MRPL48: variants seen among roughly 807,000 people sequenced by gnomAD.
MRPL48 encodes the protein large ribosomal subunit protein mL48.
MRPL48 carries 16 observed loss-of-function variants against 32.9 expected under a neutral mutation model. The observed-to-expected ratio is 0.49, with a 90% CI of 0.33 to 0.74. MRPL48 has a LOEUF of 0.74. Ranked by LOEUF, MRPL48 falls within the 30% of genes least tolerant of loss-of-function variation. The probability of loss-of-function intolerance (pLI) is 0.02; values close to 1 mark genes in which losing one functional copy is unlikely to be tolerated. For missense variants in MRPL48, 206 were observed against 245.3 expected (o/e 0.84, Z 1.07); for synonymous variants, 94 against 89.2 (o/e 1.05, Z -0.31).
chr11:73,793,425 A>G (rs1035584483), intron 1 of MRPL48, among the ~76,000 whole-genome samples: 2 of 152,332 alleles, frequency 1.3e-5, no homozygotes, highest in Admixed American at 1.3e-4. Flanking sequence ...ACTATGATAA[A>G]TGCTGCAAAT....
chr11:73,800,531 G>A (rs12292115), intron 1 of MRPL48, among the ~76,000 whole-genome samples: 1,679 of 152,084 alleles, frequency 0.011, 26 homozygotes, highest in African/African-American at 0.036. Flanking sequence ...CTGGCTCATG[G>A]GAGTATTTTT....
chr11:73,791,105 G>T (rs1295156964), intron 1 of MRPL48, among the ~76,000 whole-genome samples: 2 of 151,594 alleles, frequency 1.3e-5, no homozygotes, highest in Non-Finnish European at 2.9e-5. Flanking sequence ...AGGCTGGTCT[G>T]GAACTCCTGG....
At position 73,844,897 on chromosome 11, in the gene MRPL48, T is replaced by G; in HGVS notation, c.292T>G (p.Tyr98Asp). The G allele has an allele frequency of 1.9e-6, 3 of 1,613,872 alleles. No homozygotes were observed. Among genetic ancestry groups the G allele is most frequent in the Non-Finnish European group, 2.5e-6 (3 of 1,179,820 alleles). ...GGTTTTAAATATTCATCTGACTGCA[T>G]ATGATATGACCCTGGCAGAGAGTTA... is the stretch of plus-strand genomic sequence containing the variant. ...YGVLNIHLTA[Y>D]DMTLAESYAQ... Residue 98 changes from tyrosine to aspartate, a missense_variant, in exon 5 of 8, where the codon TAT (tyrosine) becomes GAT (aspartate). Physicochemically the swap from Tyr to Asp is radical, Grantham distance 160. Transcript: ENST00000310614.
intron 1 of MRPL48, among the ~76,000 whole-genome samples, chr11:73,794,002 C>T (rs543738502): frequency 1.1e-4 from 16 of 151,768 alleles, no homozygotes; most frequent in African/African-American, 2.7e-4. Flanking sequence ...CCACCACGCC[C>T]GGCCTGAAAC....
At chr11:73,823,396 A>G (rs1237577605) in intron 3 of MRPL48, among the ~76,000 whole-genome samples, 2 of 152,198 alleles carry the variant, frequency 1.3e-5, no homozygotes, top group Admixed American at 6.5e-5. Flanking sequence ...ACATATAGAT[A>G]CACACACATA....
At chr11:73,816,980 C>A (rs949996721) in intron 3 of MRPL48, among the ~76,000 whole-genome samples, 1 of 151,814 alleles carries the variant, frequency 6.6e-6, no homozygotes, top group African/African-American at 2.4e-5. Context: ...TGTGCACTAC[C>A]ATGCCTGGCT....
intron 1 of MRPL48, among the ~76,000 whole-genome samples, chr11:73,794,479 TG>T (rs1947213130): frequency 1.3e-5 from 2 of 149,774 alleles, no homozygotes; most frequent in South Asian, 4.2e-4. Context: ...CACTTGAATG[TG>T]GGAGGAGGAA....
intron 3 of MRPL48, among the ~76,000 whole-genome samples, chr11:73,810,282 C>G (rs1792161): frequency 0.51 from 77,688 of 151,488 alleles, 21,079 homozygotes; most frequent in African/African-American, 0.71. Flanking sequence ...AGTACTTTGG[C>G]AGGCCGAGAT....
At chr11:73,834,078 G>A (rs1948044812) in intron 4 of MRPL48, among the ~76,000 whole-genome samples, 3 of 152,028 alleles carry the variant, frequency 2.0e-5, no homozygotes, top group Admixed American at 2.0e-4. Context: ...CGAACTCCTG[G>A]ACTCAAGTGA....
chr11:73,799,617 G>T (rs529349772), intron 1 of MRPL48, among the ~76,000 whole-genome samples: 1 of 152,246 alleles, frequency 6.6e-6, no homozygotes, highest in East Asian at 1.9e-4. Context: ...ATAGGCACTG[G>T]AGACTTGGAA....
rs528299996 is a variant in MRPL48, at chr11:73,859,468, A to G, written c.372-439A>G. Among the ~76,000 whole-genome samples the G allele has an allele frequency of 1.3e-5, 2 of 151,822 alleles. 1 individual carries two copies. Among genetic ancestry groups the G allele is most frequent in the African/African-American group, 4.8e-5 (2 of 41,404 alleles). On this transcript the variant is annotated intron_variant, in intron 5 of 7. Coordinates refer to ENST00000310614, the MANE Select transcript of MRPL48 (RefSeq NM_016055.6). ...AGCTAATTTTTGTATATTTGTAGAGACAGGGTCTTACTGTGTTGCCCAGGC... is the reference window on the plus strand; with the variant it reads ...AGCTAATTTTTGTATATTTGTAGAGGCAGGGTCTTACTGTGTTGCCCAGGC...
chr11:73,809,222 A>G (rs1476152078), intron 3 of MRPL48, among the ~76,000 whole-genome samples: 1 of 116,082 alleles, frequency 8.6e-6, no homozygotes, highest in Non-Finnish European at 1.7e-5. Context: ...CAAAAGATAT[A>G]AAGTGCTTGG....
intron 3 of MRPL48, among the ~76,000 whole-genome samples, chr11:73,825,405 G>T (rs1208290758): frequency 1.3e-5 from 2 of 151,732 alleles, no homozygotes; most frequent in Non-Finnish European, 2.9e-5. Flanking sequence ...CACCCTGGGA[G>T]GCTGAGGTGG....
chr11:73,795,328 G>T (rs888855473), intron 1 of MRPL48, among the ~76,000 whole-genome samples: 1 of 151,896 alleles, frequency 6.6e-6, no homozygotes, highest in African/African-American at 2.4e-5. Flanking sequence ...CTCCCAAAGT[G>T]CTGGGATTAC....
At chr11:73,829,351 T>C (rs1947953856) in intron 4 of MRPL48, among the ~76,000 whole-genome samples, 1 of 152,080 alleles carries the variant, frequency 6.6e-6, no homozygotes, top group African/African-American at 2.4e-5. Flanking sequence ...AAGTTACTTT[T>C]CTTTCTTTCT....
intron 2 of MRPL48, among the ~76,000 whole-genome samples, chr11:73,805,676 T>G (rs1947437513): frequency 6.7e-6 from 1 of 148,290 alleles, no homozygotes; most frequent in African/African-American, 2.5e-5. Flanking sequence ...TTTTTTTAAT[T>G]GAGGCAGAGT....
intron 6 of MRPL48, 65 bp from the exon 7 acceptor site, chr11:73,863,107 T>C: frequency 7.2e-7 from 1 of 1,396,836 alleles, no homozygotes; most frequent in East Asian, 2.5e-5. Context: ...ACCCATACCA[T>C]GTCTGCCCAG....
chr11:73,800,698 A>C (rs1467231037), intron 1 of MRPL48, among the ~76,000 whole-genome samples: 1 of 152,210 alleles, frequency 6.6e-6, no homozygotes, highest in Non-Finnish European at 1.5e-5. Flanking sequence ...TGTCTGGATA[A>C]ATAATGCCAA....
intron 5 of MRPL48, chr11:73,850,897 C>G (rs1454239301): frequency 8.0e-6 from 2 of 249,082 alleles, no homozygotes; most frequent in South Asian, 4.6e-5. Flanking sequence ...AGGATGGTCT[C>G]GATCTCCTGA....
Sources: gnomAD v4.1 joint callset for allele counts (sites outside exome capture counted in the v4.1 genomes callset) on GRCh38, gnomAD v4.1.1 for gene constraint, MANE v1.5 for transcripts, NCBI Gene and HGNC (gene_info 2026-07-23, HGNC 2026-07-21) for gene names.